The following NINL variants were observed in gnomAD, a reference collection of about 807,000 sequenced individuals.
The protein encoded by NINL is ninein like.
In NINL, 153 loss-of-function variants were observed where a neutral mutation model predicts 160.3. The ratio of observed to expected loss-of-function variants is 0.95; its 90% CI spans 0.84 to 1.09. The LOEUF is 1.09. Ranked by LOEUF, NINL falls within the 50% of genes least tolerant of loss-of-function variation. The probability of loss-of-function intolerance (pLI) is 0.00; values close to 1 mark genes in which losing one functional copy is unlikely to be tolerated. For missense variants in NINL, 1,829 were observed against 1,764.0 expected (o/e 1.04, Z -0.66); for synonymous variants, 800 against 734.8 (o/e 1.09, Z -1.43).
intron 1 of NINL, among the ~76,000 whole-genome samples, chr20:25,532,936 A>T (rs1295368692): frequency 6.6e-6 from 1 of 151,898 alleles, no homozygotes; most frequent in Admixed American, 6.6e-5. Flanking sequence ...TAGCAAATGG[A>T]GGCAGTTGGA....
intron 3 of NINL, 93 bp downstream of exon 3, chr20:25,517,660 T>G (rs892378493): frequency 1.0e-6 from 1 of 966,410 alleles, no homozygotes; most frequent in African/African-American, 1.7e-5. Context: ...TAGAATTCAG[T>G]TTTCAGAACT....
At chr20:25,559,093 G>A (rs1447339703) in intron 1 of NINL, among the ~76,000 whole-genome samples, 3 of 152,206 alleles carry the variant, frequency 2.0e-5, no homozygotes, top group Non-Finnish European at 4.4e-5. Flanking sequence ...CAACCTAAGT[G>A]ATTATCACGT....
chr20:25,536,225 GAC>G (rs1382443946), intron 1 of NINL, among the ~76,000 whole-genome samples: 1 of 152,170 alleles, frequency 6.6e-6, no homozygotes, highest in South Asian at 2.1e-4. Flanking sequence ...GAAAGTCAAA[GAC>G]ACAGGCTCAC....
At position 25,476,462 on chromosome 20, in the gene NINL, CA is replaced by C. The variant is rs780756219; in HGVS notation, c.2828del (p.Leu943ArgfsTer20). On this transcript the variant is annotated frameshift_variant, in exon 17 of 24. Transcript: ENST00000278886. LOFTEE classifies it high-confidence loss of function. ...LEQPGARELP[L>X]LGTERDASQT... ...GCGAGGCGTCTCTCTCTGTTCCCAG[CA>C]GAGGCAGCTCCCGGGCTCCAGGCTG... 41 of 1,607,508 alleles carry C rather than the reference CA, an allele frequency of 2.6e-5. No individual in the cohort carries two copies. Among genetic ancestry groups the C allele is most frequent in the Middle Eastern group, 1.6e-4 (1 of 6,082 alleles).
intron 20 of NINL, among the ~76,000 whole-genome samples, 178 bp from the exon 21 acceptor site, chr20:25,461,813 C>T (rs2062793439): frequency 6.6e-6 from 1 of 152,218 alleles, no homozygotes; most frequent in African/African-American, 2.4e-5. Flanking sequence ...CCCTCCTCTA[C>T]ACACACGCAT....
In NINL at chr20:25,560,635, G is replaced by C. The variant is rs185032447; in HGVS notation, c.-12+24820C>G. Among the ~76,000 whole-genome samples, 42 of 152,160 alleles carry C rather than the reference G, an allele frequency of 2.8e-4. No individual in the cohort carries two copies. In the East Asian group the frequency reaches 6.8e-3, roughly 25 times the overall value. On this transcript the variant is annotated intron_variant, in intron 1 of 23. Transcript: ENST00000278886. ...GGGCTGAAGATCTCTTTTTCTCCAGGAATCTATAGCCCCCTGTACCTCTGC... is the reference window on the plus strand; with the variant it reads ...GGGCTGAAGATCTCTTTTTCTCCAGCAATCTATAGCCCCCTGTACCTCTGC...
intron 6 of NINL, 23 bp from the exon 7 acceptor site, chr20:25,504,127 C>T (rs2063918963): frequency 1.3e-6 from 2 of 1,542,576 alleles, no homozygotes; most frequent in Admixed American, 2.0e-5. Flanking sequence ...CGTCATATCT[C>T]AGGCCCACCC....
At position 25,458,384 on chromosome 20, in the gene NINL, C is replaced by T. The variant is rs143401967; in HGVS notation, c.3842G>A (p.Arg1281Gln). 9.7e-5 allele frequency: 156 copies of T among 1,606,200 alleles called. No homozygotes were observed. The African/African-American group carries it at 1.3e-3, about 14-fold the overall frequency. Reference protein sequence around the residue: ...EQARRRLDAQREEHEKQLKAT... With the variant: ...EQARRRLDAQQEEHEKQLKAT... ...ATCTCTCGCTGCATCCCCACTTACC[C>T]GCTGTGCATCCAGGCGCCTCCTGGC... is the stretch of plus-strand genomic sequence containing the variant. The change falls in exon 22 of 24, where the codon CGG (arginine) becomes CAG (glutamine). Residue 1281 changes from arginine (R) to glutamine (Q), a missense_variant and splice_region_variant. Transcript: ENST00000278886.
chr20:25,481,546 T>TG (rs900173465), intron 14 of NINL, among the ~76,000 whole-genome samples: 1 of 152,096 alleles, frequency 6.6e-6, no homozygotes, highest in Non-Finnish European at 1.5e-5. Flanking sequence ...CAGTCAGACT[T>TG]GGGGGGTGGT....
Position 25,479,012 on chromosome 20 carries a change from G to A in NINL, c.2112C>T (p.Pro704=), listed in dbSNP as rs146085894. 7.5e-6 allele frequency: 12 copies of A among 1,608,484 alleles called. No individual in the cohort carries two copies. Among genetic ancestry groups the A allele is most frequent in the South Asian group, 3.3e-5 (3 of 91,046 alleles). ...GTGCCAGGCCCATCTGCTCAGGCTC[G>A]GGGCCGCGGGCTGTGTCCTGCAGCT... is the stretch of plus-strand genomic sequence containing the variant. ...QEQLQDTARG[P]EPEQMGLAPC... The change falls in exon 16 of 24, where the codon CCC becomes CCT. Residue 704 remains proline (P), a synonymous_variant. Coordinates refer to ENST00000278886, the MANE Select transcript of NINL (RefSeq NM_025176.6).
chr20:25,487,393 G>C (rs756815628), intron 13 of NINL, among the ~76,000 whole-genome samples: 1 of 152,192 alleles, frequency 6.6e-6, no homozygotes, highest in Non-Finnish European at 1.5e-5. Flanking sequence ...TGCCTGGAAA[G>C]AATTCCATGC....
At chr20:25,494,773 G>T (rs536088333) in intron 10 of NINL, among the ~76,000 whole-genome samples, 2 of 152,338 alleles carry the variant, frequency 1.3e-5, no homozygotes, top group East Asian at 3.9e-4. Context: ...GCGCCCACTG[G>T]CCTTAGAGCT....
chr20:25,498,479 A>C (rs2063803993), intron 8 of NINL, 133 bp from the exon 9 acceptor site: 2 of 1,199,026 alleles, frequency 1.7e-6, no homozygotes, highest in Non-Finnish European at 2.3e-6. Context: ...CCTGTCTGCC[A>C]AGGTCTCTGC....
Position 25,496,653 on chromosome 20 carries a change from C to T in NINL, c.1310+10G>A, listed in dbSNP as rs776682922. ...CAGGTAAGAATCCACCACCTGGGCC[C>T]AGAACCCACTTGATTTTCTTCTCCG... On this transcript the variant is annotated intron_variant, in intron 10 of 23. Coordinates refer to ENST00000278886, the MANE Select transcript of NINL (RefSeq NM_025176.6). 2.0e-5 allele frequency: 32 copies of T among 1,603,946 alleles called. No individual in the cohort carries two copies. In the Admixed American group the frequency reaches 4.7e-4, roughly 24 times the overall value.
chr20:25,510,022 C>A (rs2064038500), intron 5 of NINL, among the ~76,000 whole-genome samples: 1 of 152,234 alleles, frequency 6.6e-6, no homozygotes, highest in African/African-American at 2.4e-5. Context: ...CATGCTCCTG[C>A]ATGTAGCTTA....
chr20:25,556,810 T>C (rs756603267), intron 1 of NINL, among the ~76,000 whole-genome samples: 1 of 152,038 alleles, frequency 6.6e-6, no homozygotes, highest in South Asian at 2.1e-4. Flanking sequence ...CATGGATACA[T>C]ATATAAGGGC....
At chr20:25,507,847 A>T (rs1262204855) in intron 5 of NINL, among the ~76,000 whole-genome samples, 1 of 152,180 alleles carries the variant, frequency 6.6e-6, no homozygotes, top group Non-Finnish European at 1.5e-5. Flanking sequence ...AGCAATCCTG[A>T]TACTGGGTTA....
chr20:25,531,595 G>A (rs543171178), intron 1 of NINL, among the ~76,000 whole-genome samples: 11 of 152,154 alleles, frequency 7.2e-5, no homozygotes, highest in Admixed American at 1.3e-4. Flanking sequence ...CGGTCCCTCC[G>A]TTTGGGGTCC....
intron 1 of NINL, among the ~76,000 whole-genome samples, chr20:25,575,306 G>C (rs2065101841): frequency 6.6e-6 from 1 of 151,758 alleles, no homozygotes; most frequent in African/African-American, 2.4e-5. Context: ...AATTAGCTGG[G>C]CGTGGTGGCA....
Sources: allele counts gnomAD v4.1 joint callset (sites outside exome capture counted in the v4.1 genomes callset), GRCh38; gene constraint gnomAD v4.1.1; transcripts MANE v1.5; gene names NCBI Gene and HGNC (gene_info 2026-07-23, HGNC 2026-07-21).